FRYL: variants seen among roughly 807,000 people sequenced by gnomAD.
FRYL encodes the protein protein furry homolog-like.
Under a neutral mutation model 351.2 loss-of-function variants are expected in FRYL, and 150 were observed. That is an observed-to-expected ratio of 0.43 (90% CI 0.37 to 0.49). FRYL has a LOEUF of 0.49. FRYL is among the 20% of genes least tolerant of loss of function. The pLI is 0.00. For missense variants in FRYL, 3,036 were observed against 3,619.3 expected (o/e 0.84, Z 4.13); for synonymous variants, 1,153 against 1,257.1 (o/e 0.92, Z 1.75).
At chr4:48,532,384 G>A (rs759019218) in intron 49 of FRYL, among the ~76,000 whole-genome samples, 20 of 152,186 alleles carry the variant, frequency 1.3e-4, no homozygotes, top group Non-Finnish European at 2.5e-4. Context: ...AAGGCCGGGA[G>A]CAATGGCTCA....
chr4:48,524,275 T>C (rs1725516414), intron 53 of FRYL, among the ~76,000 whole-genome samples: 1 of 152,070 alleles, frequency 6.6e-6, no homozygotes, highest in Admixed American at 6.6e-5. Flanking sequence ...GCTGCTCTGG[T>C]TGAAGGTGTC....
intron 1 of FRYL, among the ~76,000 whole-genome samples, chr4:48,730,872 T>C (rs1162392099): frequency 6.6e-6 from 1 of 152,098 alleles, no homozygotes; most frequent in Admixed American, 6.5e-5. Context: ...ATAACAATAT[T>C]AACCTTAAAT....
intron 7 of FRYL, among the ~76,000 whole-genome samples, chr4:48,611,160 G>A (rs974550790): frequency 1.3e-5 from 2 of 151,712 alleles, no homozygotes; most frequent in Non-Finnish European, 2.9e-5. Flanking sequence ...GATATAAAAT[G>A]GTGTAGTATT....
chr4:48,679,173 T>G (rs903786584), intron 3 of FRYL, among the ~76,000 whole-genome samples: 2 of 152,130 alleles, frequency 1.3e-5, no homozygotes, highest in African/African-American at 4.8e-5. Context: ...TTAATTAAAA[T>G]TATGAGATGC....
At chr4:48,589,666 G>T in intron 18 of FRYL, 79 bp downstream of exon 18, 1 of 1,346,966 alleles carries the variant, frequency 7.4e-7, no homozygotes, top group Non-Finnish European at 1.0e-6. Context: ...GACCAAGTAA[G>T]GAGACAGGTA....
intron 55 of FRYL, among the ~76,000 whole-genome samples, chr4:48,518,151 T>A (rs867418029): frequency 6.6e-6 from 1 of 152,210 alleles, no homozygotes; most frequent in African/African-American, 2.4e-5. Flanking sequence ...TTCATTCTCA[T>A]CCACTGGTGT....
At chr4:48,779,337 C>T (rs373113901) in intron 1 of FRYL, among the ~76,000 whole-genome samples, 1 of 152,210 alleles carries the variant, frequency 6.6e-6, no homozygotes, top group Non-Finnish European at 1.5e-5. Context: ...CGGGCGGTGG[C>T]CGCGGTGTCC....
intron 6 of FRYL, 109 bp downstream of exon 6, chr4:48,620,530 A>G: frequency 9.2e-7 from 1 of 1,086,340 alleles, no homozygotes; most frequent in Non-Finnish European, 1.3e-6. Flanking sequence ...AAAAGTAATC[A>G]ACGCAGTTTG....
intron 4 of FRYL, among the ~76,000 whole-genome samples, chr4:48,628,462 G>GTGTGT (rs1752300871): frequency 6.6e-6 from 1 of 150,940 alleles, no homozygotes; most frequent in Non-Finnish European, 1.5e-5. Context: ...GTGTGTGTGT[G>GTGTGT]TTTAAAGGTG....
At chr4:48,619,426 T>C (rs1393146206) in intron 6 of FRYL, 56 bp from the exon 7 acceptor site, 4 of 912,450 alleles carry the variant, frequency 4.4e-6, no homozygotes, top group Admixed American at 2.7e-5. Flanking sequence ...TAAAAATACC[T>C]GTTAGTTAGT....
chr4:48,609,927 G>T, intron 7 of FRYL, 104 bp from the exon 8 acceptor site: 3 of 541,996 alleles, frequency 5.5e-6, no homozygotes, highest in South Asian at 3.3e-5. Flanking sequence ...TAATGTTCAT[G>T]GGATTATTAC....
chr4:48,757,946 T>C (rs1404966185), intron 1 of FRYL, among the ~76,000 whole-genome samples: 1 of 152,152 alleles, frequency 6.6e-6, no homozygotes, highest in Non-Finnish European at 1.5e-5. Flanking sequence ...TCTACAACCA[T>C]CTGATCTTTG....
At chr4:48,646,052 A>G (rs890785814) in intron 3 of FRYL, 16 of 152,214 alleles carry the variant, frequency 1.1e-4, no homozygotes, top group African/African-American at 3.9e-4. Context: ...ATATTGTTCC[A>G]AAATCATGTA....
intron 52 of FRYL, 49 bp downstream of exon 52, chr4:48,527,922 G>A (rs1468121436): frequency 7.5e-7 from 1 of 1,339,474 alleles, no homozygotes; most frequent in South Asian, 1.4e-5. Context: ...TTTCTTCAAG[G>A]AATAACATGA....
At chr4:48,571,336 CACA>C (rs1578171723) in intron 26 of FRYL, among the ~76,000 whole-genome samples, 1 of 152,162 alleles carries the variant, frequency 6.6e-6, no homozygotes, top group African/African-American at 2.4e-5. Context: ...CAGTTTTCTA[CACA>C]ACAATTTTGG....
At chr4:48,604,463 A>T (rs1453864853) in intron 11 of FRYL, among the ~76,000 whole-genome samples, 1 of 152,240 alleles carries the variant, frequency 6.6e-6, no homozygotes, top group African/African-American at 2.4e-5. Context: ...ACCCTAATCC[A>T]CATGACTGGT....
intron 3 of FRYL, among the ~76,000 whole-genome samples, chr4:48,662,202 A>G (rs958975449): frequency 6.6e-6 from 1 of 152,204 alleles, no homozygotes; most frequent in Non-Finnish European, 1.5e-5. Flanking sequence ...ACACTTCAGG[A>G]AGCCAAGGCG....
chr4:48,715,007 A>G (rs1355063505), intron 1 of FRYL, among the ~76,000 whole-genome samples: 1 of 152,192 alleles, frequency 6.6e-6, no homozygotes, highest in East Asian at 1.9e-4. Flanking sequence ...TAAAAACAGA[A>G]CCAAAGACAA....
At position 48,498,716 on chromosome 4, in the gene FRYL, A is replaced by G. The variant is rs1560488401; in HGVS notation, c.*706T>C. On this transcript the variant is annotated 3_prime_UTR_variant, in exon 64 of 64. Coordinates refer to ENST00000358350, the MANE Select transcript of FRYL (RefSeq NM_015030.2). ...GAAGAGTTAGATCTAATAAAATAACATTTCTTCAAAAATAATCTTGCAGTG... is the reference window on the plus strand; with the variant it reads ...GAAGAGTTAGATCTAATAAAATAACGTTTCTTCAAAAATAATCTTGCAGTG... 6.6e-6 allele frequency: 1 copy of G among 152,550 alleles called. No homozygotes were observed. Among genetic ancestry groups the G allele is most frequent in the Non-Finnish European group, 1.5e-5 (1 of 68,026 alleles). The allele number at this position is 152,550 out of a possible 1,614,324, so 9.4% of individuals were successfully genotyped here. A position where few individuals can be genotyped will look rare whatever the true frequency, so the allele number is the denominator to read the frequency against.
Sources: allele counts gnomAD v4.1 joint callset (sites outside exome capture counted in the v4.1 genomes callset), GRCh38; gene constraint gnomAD v4.1.1; transcripts MANE v1.5; gene names NCBI Gene and HGNC (gene_info 2026-07-23, HGNC 2026-07-21).